The following GXYLT2 variants were observed in gnomAD, a reference collection of about 807,000 sequenced individuals.
GXYLT2 encodes glucoside xylosyltransferase 2, also known as glycosyltransferase 8 domain containing 4.
In GXYLT2, 53 loss-of-function variants were observed where a neutral mutation model predicts 45.8. The ratio of observed to expected loss-of-function variants is 1.16; its 90% CI spans 0.93 to 1.46. The LOEUF is 1.46. Among genes scored for constraint, GXYLT2 ranks in the 40% most tolerant of loss-of-function variants. The pLI, the probability that GXYLT2 is intolerant of heterozygous loss-of-function variation, is 0.00. For missense variants in GXYLT2, 551 were observed against 544.4 expected, an observed-to-expected ratio of 1.01 and a Z score of -0.12; for synonymous variants, 219 against 214.2, an observed-to-expected ratio of 1.02 and a Z score of -0.19.
At chr3:72,928,196 A>C (rs1709954712) in intron 3 of GXYLT2, among the ~76,000 whole-genome samples, 1 of 152,266 alleles carries the variant, frequency 6.6e-6, no homozygotes, top group African/African-American at 2.4e-5. Context: ...ATTGCTCCCC[A>C]GTGAAACAAG....
At chr3:72,972,496 C>A (rs896143125) in intron 6 of GXYLT2, among the ~76,000 whole-genome samples, 3 of 151,686 alleles carry the variant, frequency 2.0e-5, no homozygotes, top group Non-Finnish European at 4.4e-5. Flanking sequence ...CAGAAATCAG[C>A]CGGGCGTGGT....
chr3:72,936,166 C>T (rs1710172498), intron 3 of GXYLT2, among the ~76,000 whole-genome samples: 1 of 152,074 alleles, frequency 6.6e-6, no homozygotes, highest in East Asian at 1.9e-4. Flanking sequence ...TGGCACGCGC[C>T]TGTAGTCCCA....
chr3:72,923,953 T>A (rs1224965902), intron 3 of GXYLT2, among the ~76,000 whole-genome samples: 1 of 151,420 alleles, frequency 6.6e-6, no homozygotes, highest in Non-Finnish European at 1.5e-5. Flanking sequence ...TATGCAGACA[T>A]GAATGAAGGA....
chr3:72,899,622 T>C (rs1709363225), intron 1 of GXYLT2, among the ~76,000 whole-genome samples: 1 of 152,144 alleles, frequency 6.6e-6, no homozygotes, highest in African/African-American at 2.4e-5. Flanking sequence ...CAGGGAACTT[T>C]AGTAGTAACT....
intron 3 of GXYLT2, among the ~76,000 whole-genome samples, chr3:72,928,001 A>C (rs1399108741): frequency 6.6e-6 from 1 of 152,260 alleles, no homozygotes; most frequent in South Asian, 2.1e-4. Context: ...AGCTAGATCC[A>C]GAGGCTAACA....
intron 3 of GXYLT2, among the ~76,000 whole-genome samples, chr3:72,943,804 C>T (rs550352958): frequency 2.6e-5 from 4 of 152,152 alleles, no homozygotes; most frequent in East Asian, 3.9e-4. Context: ...TGCATCTTCC[C>T]GAGCTGAAAC....
rs573879425 is a variant in GXYLT2 at position 72,893,849 on chromosome 3, G to A, written c.275+5341G>A. Among the ~76,000 whole-genome samples, 4 of 145,952 alleles carry A rather than the reference G, an allele frequency of 2.7e-5. No individual in the cohort carries two copies. The East Asian group carries it at 7.9e-4, about 29-fold the overall frequency. On this transcript the variant is annotated intron_variant, in intron 1 of 6. Coordinates refer to ENST00000389617, the MANE Select transcript of GXYLT2 (RefSeq NM_001080393.2). ...ATTTTTTATTACTTTTATTATTTGG[G>A]TTTTTTTTTTTGAGATAGTGTCTCA... is the stretch of plus-strand genomic sequence containing the variant.
At chr3:72,889,545 G>GA (rs1156278502) in intron 1 of GXYLT2, among the ~76,000 whole-genome samples, 1 of 152,180 alleles carries the variant, frequency 6.6e-6, no homozygotes, top group Non-Finnish European at 1.5e-5. Context: ...GTTTTAGGGG[G>GA]AAAAAACCCC....
rs963070336 is a variant in GXYLT2 at position 72,888,598 on chromosome 3, G to A, written c.275+90G>A. The stretch of plus-strand genomic sequence containing the variant: ...AGTCCAAGGGAGGCTTTGCGCTGGA[G>A]AGACAGATTTCCAAGTTTCACCCAC... On this transcript the variant is annotated intron_variant, in intron 1 of 6. Transcript: ENST00000389617. 41 of 915,584 alleles carry A rather than the reference G, an allele frequency of 4.5e-5. No homozygotes were observed. In the African/African-American group the frequency reaches 7.3e-4, roughly 16 times the overall value. The allele number at this position is 915,584 out of a possible 1,614,324, so 56.7% of individuals were successfully genotyped here.
At chr3:72,911,941 A>G (rs1045830616) in intron 2 of GXYLT2, among the ~76,000 whole-genome samples, 4 of 147,502 alleles carry the variant, frequency 2.7e-5, no homozygotes, top group Non-Finnish European at 4.5e-5. Flanking sequence ...TTAAATGTAT[A>G]TAATATATAA....
chr3:72,952,167 T>C (rs1359101207), intron 3 of GXYLT2, among the ~76,000 whole-genome samples: 1 of 152,044 alleles, frequency 6.6e-6, no homozygotes, highest in Non-Finnish European at 1.5e-5. Flanking sequence ...AACCCCCGGC[T>C]AATTTTTGTA....
At position 72,957,211 on chromosome 3, in the gene GXYLT2, T is replaced by G; in HGVS notation, c.853-18T>G. The G allele has an allele frequency of 1.2e-6, 2 of 1,601,320 alleles. No homozygotes were observed. Among genetic ancestry groups the G allele is most frequent in the Non-Finnish European group, 1.7e-6 (2 of 1,175,896 alleles). ...ATTTGCTTTGCTTCAGCTGTTCTGA[T>G]GGTTTTCTTTTTTCCAGAACAGCAT... On this transcript the variant is annotated intron_variant, in intron 4 of 6. Transcript: ENST00000389617.
chr3:72,913,024 G>GTTT, intron 2 of GXYLT2, among the ~76,000 whole-genome samples: 1 of 145,290 alleles, frequency 6.9e-6, no homozygotes, highest in African/African-American at 2.5e-5. Context: ...ATTTCCTCAG[G>GTTT]TTTTTTTTTT....
At chr3:72,954,998 A>C in intron 3 of GXYLT2, 100 bp from the exon 4 acceptor site, 1 of 1,190,488 alleles carries the variant, frequency 8.4e-7, no homozygotes, top group Non-Finnish European at 1.2e-6. Context: ...AAAAGTTGGT[A>C]GCATTATTTA....
chr3:72,930,708 C>T (rs1421035858), intron 3 of GXYLT2, among the ~76,000 whole-genome samples: 2 of 150,548 alleles, frequency 1.3e-5, no homozygotes, highest in South Asian at 4.2e-4. Flanking sequence ...ATCCTCCCAC[C>T]TCAGCCTCTC....
At chr3:72,953,075 G>A (rs571449336) in intron 3 of GXYLT2, among the ~76,000 whole-genome samples, 27 of 152,168 alleles carry the variant, frequency 1.8e-4, no homozygotes, top group East Asian at 3.9e-4. Flanking sequence ...TAAGCAGTTC[G>A]CACAGGAGAA....
chr3:72,951,950 TCCTGCCTCAG>T (rs1710536454), intron 3 of GXYLT2, among the ~76,000 whole-genome samples: 2 of 151,636 alleles, frequency 1.3e-5, no homozygotes, highest in South Asian at 4.2e-4. Context: ...CAAGGGATTC[TCCTGCCTCAG>T]CCTCCTGAGT....
At chr3:72,938,361 C>A (rs1305544930) in intron 3 of GXYLT2, among the ~76,000 whole-genome samples, 3 of 152,182 alleles carry the variant, frequency 2.0e-5, no homozygotes, top group Non-Finnish European at 4.4e-5. Context: ...TATAAAAGTG[C>A]TGAGCCCTGA....
chr3:72,961,596 C>T (rs1483299394), intron 5 of GXYLT2, among the ~76,000 whole-genome samples: 1 of 137,984 alleles, frequency 7.2e-6, no homozygotes, highest in East Asian at 2.2e-4. Flanking sequence ...CAAGTGAATA[C>T]ATTTTCACAA....
Sources: gnomAD v4.1 joint callset for allele counts (sites outside exome capture counted in the v4.1 genomes callset) on GRCh38, gnomAD v4.1.1 for gene constraint, MANE v1.5 for transcripts, NCBI Gene and HGNC (gene_info 2026-07-23, HGNC 2026-07-21) for gene names.